Variants in LAPTM4B observed in about 807,000 individuals in gnomAD.
LAPTM4B encodes lysosomal-associated transmembrane protein 4B.
A neutral mutation model predicts 28.5 loss-of-function variants in LAPTM4B; 26 were observed. That is an observed-to-expected ratio of 0.91 (90% CI 0.67 to 1.27). The LOEUF is 1.27. LAPTM4B is among the 50% of genes most tolerant of loss of function. The pLI is 0.00. For synonymous variants in LAPTM4B, 109 were observed against 106.4 expected, an observed-to-expected ratio of 1.02 and a Z score of -0.15; for missense variants, 288 against 285.8, an observed-to-expected ratio of 1.01 and a Z score of -0.06.
intron 6 of LAPTM4B, among the ~76,000 whole-genome samples, chr8:97,834,347 A>G (rs1817230032): frequency 6.6e-6 from 1 of 152,126 alleles, no homozygotes; most frequent in South Asian, 2.1e-4. Context: ...GAAAAGTACA[A>G]CCATTTTGAT....
chr8:97,808,998 T>G (rs2129778171), intron 2 of LAPTM4B, among the ~76,000 whole-genome samples: 1 of 152,176 alleles, frequency 6.6e-6, no homozygotes, highest in Admixed American at 6.5e-5. Flanking sequence ...TACAAACTAT[T>G]CATTCAGTCC....
At chr8:97,778,244 A>G (rs1405856048) in intron 1 of LAPTM4B, among the ~76,000 whole-genome samples, 1 of 152,164 alleles carries the variant, frequency 6.6e-6, no homozygotes, top group African/African-American at 2.4e-5. Flanking sequence ...ACCTGGCTTA[A>G]GTACTGGTAA....
At chr8:97,849,754 G>A (rs1295194408) in intron 6 of LAPTM4B, among the ~76,000 whole-genome samples, 1 of 152,118 alleles carries the variant, frequency 6.6e-6, no homozygotes, top group Non-Finnish European at 1.5e-5. Context: ...ACCCTGTTCA[G>A]CCAGGCCAGT....
intron 2 of LAPTM4B, among the ~76,000 whole-genome samples, chr8:97,813,480 A>G (rs1042154032): frequency 6.6e-6 from 1 of 152,188 alleles, no homozygotes; most frequent in Non-Finnish European, 1.5e-5. Context: ...CCACTGACTG[A>G]AATGTTAATC....
At chr8:97,789,832 T>A (rs983358040) in intron 1 of LAPTM4B, among the ~76,000 whole-genome samples, 1 of 152,144 alleles carries the variant, frequency 6.6e-6, no homozygotes, top group African/African-American at 2.4e-5. Context: ...TCTTTCCACC[T>A]TTTTGTACCC....
chr8:97,846,320 G>A (rs1817432912), intron 6 of LAPTM4B, among the ~76,000 whole-genome samples: 1 of 143,610 alleles, frequency 7.0e-6, no homozygotes, highest in Admixed American at 7.1e-5. Context: ...TCTAACCAGA[G>A]TATCCAATTT....
chr8:97,781,244 G>C (rs1816305685), intron 1 of LAPTM4B, among the ~76,000 whole-genome samples: 1 of 140,996 alleles, frequency 7.1e-6, no homozygotes, highest in Non-Finnish European at 1.5e-5. Flanking sequence ...CTCCCAAAGT[G>C]CTGAGATTAC....
intron 1 of LAPTM4B, among the ~76,000 whole-genome samples, chr8:97,777,692 CAG>C (rs1387060191): frequency 3.3e-5 from 5 of 152,196 alleles, no homozygotes; most frequent in Admixed American, 2.0e-4. Context: ...GTATTTCAAA[CAG>C]ATATTTAGCG....
intron 1 of LAPTM4B, among the ~76,000 whole-genome samples, chr8:97,803,315 T>A (rs1036454369): frequency 2.0e-5 from 3 of 151,876 alleles, no homozygotes; most frequent in African/African-American, 7.3e-5. Flanking sequence ...GTCTCACTCT[T>A]TCACCCAGGC....
chr8:97,813,082 G>T (rs7843011), intron 2 of LAPTM4B, among the ~76,000 whole-genome samples: 68,703 of 152,102 alleles, frequency 0.45, 15,997 homozygotes, highest in East Asian at 0.58. Flanking sequence ...TATATTTAAG[G>T]AAGTTTATTA....
intron 6 of LAPTM4B, among the ~76,000 whole-genome samples, chr8:97,845,489 C>G (rs1817414154): frequency 6.6e-6 from 1 of 152,138 alleles, no homozygotes; most frequent in Admixed American, 6.6e-5. Flanking sequence ...TTTCCTGAGA[C>G]TTCTCCTCAC....
chr8:97,834,748 T>C (rs964409353), intron 6 of LAPTM4B, among the ~76,000 whole-genome samples: 1 of 152,168 alleles, frequency 6.6e-6, no homozygotes, highest in African/African-American at 2.4e-5. Context: ...TGCTTTCTTA[T>C]TGTCTGGTAT....
intron 1 of LAPTM4B, among the ~76,000 whole-genome samples, chr8:97,792,560 G>C (rs541045995): frequency 6.6e-6 from 1 of 151,798 alleles, no homozygotes; most frequent in Non-Finnish European, 1.5e-5. Flanking sequence ...TAGCCTAACA[G>C]TCAATTTTTT....
chr8:97,849,580 C>G (rs1488336961), intron 6 of LAPTM4B, among the ~76,000 whole-genome samples: 2 of 152,228 alleles, frequency 1.3e-5, no homozygotes, highest in South Asian at 2.1e-4. Flanking sequence ...AGGCAAAGAT[C>G]ACTACCTCTT....
intron 6 of LAPTM4B, among the ~76,000 whole-genome samples, chr8:97,844,790 G>T (rs2513972): frequency 0.11 from 17,461 of 152,136 alleles, 1,294 homozygotes; most frequent in East Asian, 0.3. Context: ...TCATCTGCCA[G>T]CTGGGAAGGC....
intron 1 of LAPTM4B, among the ~76,000 whole-genome samples, chr8:97,800,902 G>T (rs879520012): frequency 7.2e-5 from 11 of 151,894 alleles, no homozygotes; most frequent in Admixed American, 2.6e-4. Context: ...ACTTGAGCCT[G>T]AGAGTTCAAG....
chr8:97,790,148 A>G (rs1252940200), intron 1 of LAPTM4B, among the ~76,000 whole-genome samples: 1 of 151,530 alleles, frequency 6.6e-6, no homozygotes, highest in Non-Finnish European at 1.5e-5. Flanking sequence ...AATCTTGGCT[A>G]TTGTGAATAG....
chr8:97,795,606 A>G (rs1816568234), intron 1 of LAPTM4B, among the ~76,000 whole-genome samples: 1 of 152,106 alleles, frequency 6.6e-6, no homozygotes, highest in African/African-American at 2.4e-5. Flanking sequence ...TAATCCCAGC[A>G]TCTTGGGGGG....
At chr8:97,777,512 A>AT (rs1462155668) in intron 1 of LAPTM4B, among the ~76,000 whole-genome samples, 1 of 151,688 alleles carries the variant, frequency 6.6e-6, no homozygotes, top group Non-Finnish European at 1.5e-5. Flanking sequence ...TATTGGGCCC[A>AT]TTTTTGGGTA....
Sources: gnomAD v4.1 joint callset for allele counts (sites outside exome capture counted in the v4.1 genomes callset) on GRCh38, gnomAD v4.1.1 for gene constraint, MANE v1.5 for transcripts, NCBI Gene and HGNC (gene_info 2026-07-23, HGNC 2026-07-21) for gene names.